Variants in PIRT observed in about 807,000 individuals in gnomAD.
The protein encoded by PIRT is phosphoinositide interacting regulator of transient receptor potential channels, also known as phosphoinositide-interacting protein.
Under a neutral mutation model 7.9 loss-of-function variants are expected in PIRT, and 6 were observed. The ratio of observed to expected loss-of-function variants is 0.76; its 90% CI spans 0.42 to 1.51. The LOEUF is 1.51. Ranked by LOEUF, PIRT falls within the 40% of genes most tolerant of loss-of-function variation. PIRT has a pLI of 0.01. For missense variants in PIRT, 170 were observed against 172.9 expected (o/e 0.98, Z 0.09); for synonymous variants, 78 against 71.8 (o/e 1.09, Z -0.44).
In PIRT at chr17:10,824,359, C is replaced by A. The variant is rs545989788; in HGVS notation, c.*873G>T. ...TTCTCTCAATTTTGATCTTGATGGA[C>A]GTGAAAGGGAAAACAACCTTACAGG... On this transcript the variant is annotated 3_prime_UTR_variant, in exon 2 of 2. Coordinates refer to ENST00000580256, the MANE Select transcript of PIRT (RefSeq NM_001101387.2). 6.5e-4 allele frequency: 99 copies of A among 152,236 alleles called. No individual in the cohort carries two copies. Among genetic ancestry groups the A allele is most frequent in the African/African-American group, 2.2e-3 (90 of 41,520 alleles). 9.4% of individuals were successfully genotyped at this position (152,236 alleles called of 1,614,324 possible).
chr17:10,828,738 A>T (rs1486609745), intron 1 of PIRT, among the ~76,000 whole-genome samples: 2 of 152,170 alleles, frequency 1.3e-5, no homozygotes, highest in Non-Finnish European at 2.9e-5. Context: ...CAACCTGTTC[A>T]TTCCAACCCT....
chr17:10,833,356 A>G (rs1376878834), intron 1 of PIRT, among the ~76,000 whole-genome samples: 2 of 152,214 alleles, frequency 1.3e-5, no homozygotes, highest in Non-Finnish European at 2.9e-5. Context: ...AAAAAAATCA[A>G]TAAAATAGAT....
Position 10,822,846 on chromosome 17 carries a change from G to A in PIRT, c.*2386C>T, listed in dbSNP as rs984080363. The A allele has an allele frequency of 1.1e-4, 16 of 152,208 alleles. No individual in the cohort carries two copies. The highest frequency in any genetic ancestry group is 3.6e-4 in the African/African-American group (15 of 41,440). 9.4% of individuals were successfully genotyped at this position (152,208 alleles called of 1,614,324 possible). Reference sequence around the variant, plus strand: ...GGGGATATTTCCTCATATTCTCTTTGCTGAGAAACTAGCTTGAGTGGGCAG... The same window carrying A: ...GGGGATATTTCCTCATATTCTCTTTACTGAGAAACTAGCTTGAGTGGGCAG... On this transcript the variant is annotated 3_prime_UTR_variant, in exon 2 of 2. Coordinates refer to ENST00000580256, the MANE Select transcript of PIRT (RefSeq NM_001101387.2).
rs1905253573 is a variant in PIRT, at chr17:10,823,769, C to G, written c.*1463G>C. 6.6e-6 allele frequency: 1 copy of G among 152,212 alleles called. No individual in the cohort carries two copies. The highest frequency in any genetic ancestry group is 6.5e-5 in the Admixed American group (1 of 15,282). 9.4% of individuals were successfully genotyped at this position (152,212 alleles called of 1,614,324 possible). ...TTGCTTGCCAGGCCCTCTGGAAACC[C>G]ACTTCCCGTCTCTACCATAGACACC... On this transcript the variant is annotated 3_prime_UTR_variant, in exon 2 of 2. Transcript: ENST00000580256.
In PIRT at chr17:10,828,942, T is replaced by C. The variant is rs563612595; in HGVS notation, c.-138-3159A>G. 1.1e-3 allele frequency among the ~76,000 whole-genome samples: 174 copies of C among 152,356 alleles called. 1 individual carries two copies. Among genetic ancestry groups the C allele is most frequent in the African/African-American group, 4.0e-3 (168 of 41,574 alleles). On this transcript the variant is annotated intron_variant, in intron 1 of 1. Coordinates refer to ENST00000580256, the MANE Select transcript of PIRT (RefSeq NM_001101387.2). ...TCTGCTTCCTAAGACTCTGAAAATATTACAAGGTGCTTTTGTAACTGTAGG... is the reference window on the plus strand; with the variant it reads ...TCTGCTTCCTAAGACTCTGAAAATACTACAAGGTGCTTTTGTAACTGTAGG...
rs201263826 is a variant in PIRT at position 10,825,358 on chromosome 17, G to A, written c.288C>T (p.Phe96=). The A allele has an allele frequency of 3.7e-6, 6 of 1,613,970 alleles. No individual in the cohort carries two copies. The Middle Eastern group carries it at 4.9e-4, about 133-fold the overall frequency. The part of the protein sequence containing the change: ...LSILKMVGPG[F]LSLGLMMLVC... Reference sequence around the variant, plus strand: ...CCAGCATCATGAGTCCCAGGGACAGGAAGCCAGGCCCTACCATTTTGAGGA... The same window carrying A: ...CCAGCATCATGAGTCCCAGGGACAGAAAGCCAGGCCCTACCATTTTGAGGA... Residue 96 remains phenylalanine (F), a synonymous_variant, in exon 2 of 2, where the codon TTC becomes TTT. Transcript: ENST00000580256.
At chr17:10,832,241 G>A (rs1294773416) in intron 1 of PIRT, among the ~76,000 whole-genome samples, 2 of 151,750 alleles carry the variant, frequency 1.3e-5, no homozygotes, top group East Asian at 1.9e-4. Context: ...TGCCCAGGCT[G>A]GAGTGCAATG....
intron 1 of PIRT, among the ~76,000 whole-genome samples, chr17:10,829,052 T>A (rs1905401905): frequency 6.6e-6 from 1 of 152,198 alleles, no homozygotes; most frequent in South Asian, 2.1e-4. Flanking sequence ...TTTCCCCCTG[T>A]GGGCTTGGGG....
chr17:10,829,620 C>T (rs1905415179), intron 1 of PIRT, among the ~76,000 whole-genome samples: 1 of 152,078 alleles, frequency 6.6e-6, no homozygotes, highest in Non-Finnish European at 1.5e-5. Context: ...TGGATGGGTC[C>T]CAAAGGTTCC....
chr17:10,834,100 C>A (rs1464248430), intron 1 of PIRT, among the ~76,000 whole-genome samples: 1 of 151,348 alleles, frequency 6.6e-6, no homozygotes, highest in East Asian at 1.9e-4. Flanking sequence ...TTTATTTGTC[C>A]CAGAGAAATG....
intron 1 of PIRT, among the ~76,000 whole-genome samples, chr17:10,830,522 A>G (rs1414666854): frequency 6.6e-6 from 1 of 152,188 alleles, no homozygotes. Flanking sequence ...GGTACAGTCA[A>G]ATTTCAAATA....
At position 10,825,200 on chromosome 17, in the gene PIRT, G is replaced by C; in HGVS notation, c.*32C>G. 6.2e-7 allele frequency: 1 copy of C among 1,604,288 alleles called. No homozygotes were observed. The highest frequency in any genetic ancestry group is 8.5e-7 in the Non-Finnish European group (1 of 1,173,934). On this transcript the variant is annotated 3_prime_UTR_variant, in exon 2 of 2. Coordinates refer to ENST00000580256, the MANE Select transcript of PIRT (RefSeq NM_001101387.2). ...ATGTTGGTCATCAGATCTTCTCCCAGTCAAGGTGGCAGGGAGATGCGGAAA... is the reference window on the plus strand; with the variant it reads ...ATGTTGGTCATCAGATCTTCTCCCACTCAAGGTGGCAGGGAGATGCGGAAA...
chr17:10,834,896 GTT>G (rs35273994), intron 1 of PIRT, among the ~76,000 whole-genome samples: 19,000 of 139,052 alleles, frequency 0.14, 1,539 homozygotes, highest in Non-Finnish European at 0.2. Flanking sequence ...AGCGTTGTTT[GTT>G]TTTTTTTTTT....
chr17:10,822,546 A>T lies in PIRT; in HGVS notation c.*2686T>A, dbSNP rs1289120883. 1 of 152,236 alleles carries T rather than the reference A, an allele frequency of 6.6e-6. No homozygotes were observed. Among genetic ancestry groups the T allele is most frequent in the African/African-American group, 2.4e-5 (1 of 41,468 alleles). The allele number at this position is 152,236 out of a possible 1,614,324, so 9.4% of individuals were successfully genotyped here. On this transcript the variant is annotated 3_prime_UTR_variant, in exon 2 of 2. Transcript: ENST00000580256. Reference sequence around the variant, plus strand: ...GGTTAGATCAAATTCTCCCAAACAGAATAGCCATGGGGAGCATGAGACAAT... The same window carrying T: ...GGTTAGATCAAATTCTCCCAAACAGTATAGCCATGGGGAGCATGAGACAAT...
chr17:10,834,545 T>C (rs993034702), intron 1 of PIRT, among the ~76,000 whole-genome samples: 1 of 152,154 alleles, frequency 6.6e-6, no homozygotes, highest in African/African-American at 2.4e-5. Flanking sequence ...GGGGTTTGCA[T>C]GAGGGACCCA....
intron 1 of PIRT, among the ~76,000 whole-genome samples, chr17:10,831,959 A>C (rs1905472863): frequency 6.6e-6 from 1 of 152,196 alleles, no homozygotes; most frequent in Admixed American, 6.5e-5. Context: ...TGGGGACTTA[A>C]TTACAGTACA....
intron 1 of PIRT, among the ~76,000 whole-genome samples, chr17:10,828,238 AG>A (rs897887975): frequency 6.6e-6 from 1 of 152,090 alleles, no homozygotes; most frequent in African/African-American, 2.4e-5. Flanking sequence ...CTGTACCCCG[AG>A]TCCTCAAGCT....
At chr17:10,836,025 C>T (rs1905581941) in intron 1 of PIRT, among the ~76,000 whole-genome samples, 6 of 152,056 alleles carry the variant, frequency 3.9e-5, no homozygotes. Context: ...GCCTCAGCCT[C>T]CTGAGTAGCT....
chr17:10,835,921 G>C (rs894626049), intron 1 of PIRT, among the ~76,000 whole-genome samples: 1 of 111,624 alleles, frequency 9.0e-6, no homozygotes, highest in Non-Finnish European at 1.8e-5. Context: ...TTTTTTTTTT[G>C]AGATGGAGTT....
Sources: allele counts gnomAD v4.1 joint callset (sites outside exome capture counted in the v4.1 genomes callset), GRCh38; gene constraint gnomAD v4.1.1; transcripts MANE v1.5; gene names NCBI Gene and HGNC (gene_info 2026-07-23, HGNC 2026-07-21).